POLDIP3: variants seen among roughly 807,000 people sequenced by gnomAD.
POLDIP3 encodes DNA polymerase delta interacting protein 3.
A neutral mutation model predicts 45.1 loss-of-function variants in POLDIP3; 14 were observed. The observed-to-expected ratio is 0.31, with a 90% CI of 0.20 to 0.49. The LOEUF (loss-of-function observed/expected upper bound fraction) is 0.49, where lower values mean the gene tolerates loss of function less well. POLDIP3 is among the 20% of genes least tolerant of loss of function. The pLI is 0.99. For missense variants in POLDIP3, 511 were observed against 538.8 expected (o/e 0.95, Z 0.51); for synonymous variants, 223 against 205.2 (o/e 1.09, Z -0.74).
intron 4 of POLDIP3, among the ~76,000 whole-genome samples, chr22:42,598,013 G>C (rs570532446): frequency 1.3e-5 from 2 of 151,976 alleles, no homozygotes; most frequent in African/African-American, 4.8e-5. Flanking sequence ...CCTGACCTCA[G>C]GTAATCTGCC....
Position 42,607,599 on chromosome 22 carries a change from C to T in POLDIP3, c.60-4439G>A, listed in dbSNP as rs533408460. On this transcript the variant is annotated intron_variant, in intron 1 of 8. Coordinates refer to ENST00000252115, the MANE Select transcript of POLDIP3 (RefSeq NM_032311.5). ...CTGGGATGTGAGGAGCCCCTCTGCC[C>T]GGCCGTCCAGTCTGGGAAGTGAGGA... Among the ~76,000 whole-genome samples the T allele has an allele frequency of 9.9e-5, 15 of 151,936 alleles. No individual in the cohort carries two copies. In the East Asian group the frequency reaches 1.6e-3, roughly 16 times the overall value.
chr22:42,586,872 C>T lies in POLDIP3; in HGVS notation c.1088+634G>A, dbSNP rs574803456. On this transcript the variant is annotated intron_variant, in intron 8 of 8. Coordinates refer to ENST00000252115, the MANE Select transcript of POLDIP3 (RefSeq NM_032311.5). ...ATTTTATGCATCTCAGGCTTCAAAA[C>T]ATCCCTCAGTCCTGGGCCAGGCATG... Among the ~76,000 whole-genome samples, 18 of 152,314 alleles carry T rather than the reference C, an allele frequency of 1.2e-4. No homozygotes were observed. The South Asian group carries it at 3.7e-3, about 32-fold the overall frequency.
At position 42,599,700 on chromosome 22, in the gene POLDIP3, T is replaced by C. The variant is rs766101784; in HGVS notation, c.631A>G (p.Met211Val). The C allele has an allele frequency of 1.3e-6, 2 of 1,594,586 alleles. No homozygotes were observed. Among genetic ancestry groups the C allele is most frequent in the South Asian group, 1.1e-5 (1 of 90,666 alleles). Residue 211 changes from methionine to valine, a missense_variant and splice_region_variant, in exon 4 of 9, where the codon ATG (methionine) becomes GTG (valine). Transcript: ENST00000252115. The part of the protein sequence containing the change: ...FAASGGFLHH[M>V]AGLSSSKLSM... The stretch of plus-strand genomic sequence containing the variant: ...TAAGAAAACATGAAATGCCATACCA[T>C]GTGGTGGAGAAAGCCGCCTGAGGCT...
chr22:42,597,442 GCA>G (rs1357038724), intron 4 of POLDIP3, among the ~76,000 whole-genome samples: 1 of 152,186 alleles, frequency 6.6e-6, no homozygotes, highest in Non-Finnish European at 1.5e-5. Flanking sequence ...AGCTGGGACA[GCA>G]CAGTGACTCC....
At chr22:42,594,167 A>G (rs772118632) in intron 6 of POLDIP3, among the ~76,000 whole-genome samples, 2 of 152,192 alleles carry the variant, frequency 1.3e-5, no homozygotes, top group Admixed American at 6.5e-5. Context: ...AGGCTGAGGC[A>G]TAAGAATCAC....
chr22:42,590,484 G>A (rs1925594039), intron 7 of POLDIP3, among the ~76,000 whole-genome samples: 1 of 152,162 alleles, frequency 6.6e-6, no homozygotes, highest in Non-Finnish European at 1.5e-5. Flanking sequence ...ACACCCGGCT[G>A]TACAGCATGT....
rs1569292976 is a variant in POLDIP3, at chr22:42,585,056, G to C, written c.*735C>G. The C allele has an allele frequency of 2.2e-6, 1 of 454,202 alleles. No individual in the cohort carries two copies. The highest frequency in any genetic ancestry group is 2.4e-5 in the Admixed American group (1 of 42,054). 28.1% of individuals were successfully genotyped at this position (454,202 alleles called of 1,614,324 possible). ...CCTCCCAGCAAAGACACCCAGAAGGGAAAGAGAGCTGGGGTGGGGCATTCA... is the reference window on the plus strand; with the variant it reads ...CCTCCCAGCAAAGACACCCAGAAGGCAAAGAGAGCTGGGGTGGGGCATTCA... On this transcript the variant is annotated 3_prime_UTR_variant, in exon 9 of 9. Coordinates refer to ENST00000252115, the MANE Select transcript of POLDIP3 (RefSeq NM_032311.5).
At chr22:42,606,287 CA>C (rs1166313885) in intron 1 of POLDIP3, among the ~76,000 whole-genome samples, 2 of 151,634 alleles carry the variant, frequency 1.3e-5, no homozygotes, top group Non-Finnish European at 2.9e-5. Flanking sequence ...TTTGGGAGGC[CA>C]AATGGCAGGA....
chr22:42,606,880 G>T (rs529476720), intron 1 of POLDIP3, among the ~76,000 whole-genome samples: 1 of 152,342 alleles, frequency 6.6e-6, no homozygotes, highest in Non-Finnish European at 1.5e-5. Flanking sequence ...GAATGGACTT[G>T]AACTTCACTG....
rs931813332 is a variant in POLDIP3 at position 42,596,350 on chromosome 22, A to C, written c.649T>G (p.Ser217Ala). ...AGGGCCTTGGACATGGAAAGCTTGG[A>C]ACTGCTTAGCCCAGCCTAAACGAAG... is the stretch of plus-strand genomic sequence containing the variant. ...FLHHMAGLSS[S>A]KLSMSKALPL... The change falls in exon 5 of 9, where the codon TCC (serine) becomes GCC (alanine). Residue 217 changes from serine (S) to alanine (A), a missense_variant. Ser to Ala is a moderately conservative substitution (Grantham distance 99). Transcript: ENST00000252115. The C allele has an allele frequency of 3.7e-6, 6 of 1,614,024 alleles. No individual in the cohort carries two copies. Among genetic ancestry groups the C allele is most frequent in the African/African-American group, 2.7e-5 (2 of 74,920 alleles).
At chr22:42,596,386 G>T in intron 4 of POLDIP3, 21 bp from the exon 5 acceptor site, 3 of 1,609,126 alleles carry the variant, frequency 1.9e-6, no homozygotes, top group South Asian at 2.2e-5. Flanking sequence ...AGACAGAAAA[G>T]AATCTGAGAA....
intron 1 of POLDIP3, among the ~76,000 whole-genome samples, chr22:42,611,969 A>G (rs1381924218): frequency 1.3e-5 from 2 of 152,256 alleles, no homozygotes; most frequent in African/African-American, 4.8e-5. Flanking sequence ...TTATCTTAAC[A>G]GGGACCACTG....
chr22:42,612,447 G>A (rs1300865681), intron 1 of POLDIP3, among the ~76,000 whole-genome samples: 1 of 152,200 alleles, frequency 6.6e-6, no homozygotes, highest in Admixed American at 6.5e-5. Context: ...TATGCTCCAG[G>A]GGCGTTGTGT....
intron 1 of POLDIP3, among the ~76,000 whole-genome samples, chr22:42,614,303 G>C (rs1198754246): frequency 3.9e-5 from 6 of 152,256 alleles, no homozygotes; most frequent in Non-Finnish European, 8.8e-5. Context: ...CGCACAAAGA[G>C]AGGCGAGTGT....
At chr22:42,602,163 TGGTAAAAGGCACTACAGAG>T in intron 2 of POLDIP3, 107 bp from the exon 3 acceptor site, 5 of 1,564,854 alleles carry the variant, frequency 3.2e-6, no homozygotes, top group Non-Finnish European at 4.3e-6. Flanking sequence ...CTTTGGTCTT[TGGTAAAAGGCACTACAGAG>T]GGCCTTATCC....
At position 42,602,912 on chromosome 22, in the gene POLDIP3, T is replaced by C; in HGVS notation, c.308A>G (p.Gln103Arg). 3 of 1,614,048 alleles carry C rather than the reference T, an allele frequency of 1.9e-6. No individual in the cohort carries two copies. In the South Asian group the frequency reaches 3.3e-5, roughly 18 times the overall value. The stretch of plus-strand genomic sequence containing the variant: ...GGGCTTCTGGGGCACCGTGGTCTGC[T>C]GCTTGCGAGAGTTCAACATCTCTCT... Reference protein sequence around the residue: ...DAREMLNSRKQQTTVPQKPRQ... With the variant: ...DAREMLNSRKRQTTVPQKPRQ... Residue 103 changes from glutamine (Q) to arginine (R), a missense_variant, in exon 2 of 9, where the codon CAG becomes CGG. Around this residue, in one of 4 missense-constraint regions of POLDIP3, gnomAD observed 378 missense variants for 352.3 expected, o/e 1.07. Transcript: ENST00000252115.
chr22:42,604,146 T>C (rs926873914), intron 1 of POLDIP3, among the ~76,000 whole-genome samples: 1 of 152,162 alleles, frequency 6.6e-6, no homozygotes, highest in African/African-American at 2.4e-5. Context: ...CGGCCACTCA[T>C]GCGGCAGACG....
At chr22:42,606,642 T>A (rs889062627) in intron 1 of POLDIP3, among the ~76,000 whole-genome samples, 1 of 152,104 alleles carries the variant, frequency 6.6e-6, no homozygotes, top group African/African-American at 2.4e-5. Flanking sequence ...TTTTAAAAAA[T>A]TTAAAAGGAC....
chr22:42,589,972 A>G (rs920544611), intron 7 of POLDIP3, among the ~76,000 whole-genome samples: 2 of 152,014 alleles, frequency 1.3e-5, no homozygotes, highest in African/African-American at 4.8e-5. Flanking sequence ...CATTCCACCT[A>G]ACAACAAGAA....
Sources: gnomAD v4.1 joint callset for allele counts (sites outside exome capture counted in the v4.1 genomes callset) on GRCh38, gnomAD v4.1.1 for gene constraint, gnomAD v4.1.1 regional missense constraint, MANE v1.5 for transcripts, NCBI Gene and HGNC (gene_info 2026-07-23, HGNC 2026-07-21) for gene names.